SLC45A1: variants seen among roughly 807,000 people sequenced by gnomAD.
SLC45A1 encodes the protein solute carrier family 45 member 1, also known as proton-associated sugar transporter A.
Under a neutral mutation model 57.6 loss-of-function variants are expected in SLC45A1, and 28 were observed. The observed-to-expected ratio is 0.49, with a 90% CI of 0.36 to 0.67. The LOEUF (loss-of-function observed/expected upper bound fraction) is 0.67. Among genes scored for constraint, SLC45A1 ranks in the 30% least tolerant of loss-of-function variants. SLC45A1 has a pLI of 0.00. For missense variants in SLC45A1, 814 were observed against 1,041.5 expected (o/e 0.78, Z 3.01); for synonymous variants, 459 against 471.5 (o/e 0.97, Z 0.34).
intron 7 of SLC45A1, 145 bp from the exon 8 acceptor site, chr1:8,339,348 G>A (rs1224098169): frequency 2.8e-6 from 2 of 717,944 alleles, no homozygotes; most frequent in African/African-American, 3.5e-5. Flanking sequence ...TCCCCAGGAA[G>A]TACTTTCTGG....
chr1:8,343,010 T>C lies in SLC45A1; in HGVS notation c.1981-737T>C, dbSNP rs1030930994. Among the ~76,000 whole-genome samples the C allele has an allele frequency of 6.6e-6, 1 of 152,200 alleles. No homozygotes were observed. Among genetic ancestry groups the C allele is most frequent in the Non-Finnish European group, 1.5e-5 (1 of 68,046 alleles). On this transcript the variant is annotated intron_variant, in intron 8 of 8. Transcript: ENST00000471889. This position sits in a 1 kb window ranked among gnomAD's most constrained non-coding sequence, Gnocchi z 7.7. ...ATGCCTCAGTTGCCTCCCCCAGGCC[T>C]GGGCCTGATTTGTTTTAGGGAGTTT...
chr1:8,331,801 T>TG (rs1262375759), intron 5 of SLC45A1, among the ~76,000 whole-genome samples: 2 of 151,308 alleles, frequency 1.3e-5, no homozygotes, highest in South Asian at 4.2e-4. Flanking sequence ...CAACTCTTTT[T>TG]TTTTTTTTTG....
chr1:8,344,004 G>A lies in SLC45A1; in HGVS notation c.2238G>A (p.Leu746=), dbSNP rs779813624. 1 of 1,607,114 alleles carries A rather than the reference G, an allele frequency of 6.2e-7. No homozygotes were observed. The highest frequency in any genetic ancestry group is 1.7e-5 in the Admixed American group (1 of 59,786). The part of the protein sequence containing the change: ...AADEEHRPLL[L]NV ...ACGAGGAGCACCGGCCCCTCCTGCT[G>A]AACGTCTGACATCGCGGAGCCTCGA... The change falls in exon 9 of 9, where the codon CTG becomes CTA. Residue 746 remains leucine (L), a synonymous_variant. Transcript: ENST00000471889.
At chr1:8,339,831 A>G in intron 8 of SLC45A1, 133 bp downstream of exon 8, 1 of 852,490 alleles carries the variant, frequency 1.2e-6, no homozygotes, top group Non-Finnish European at 1.9e-6. Flanking sequence ...CAGAGCATGA[A>G]ACCAAGGGGG....
rs531615433 is a variant in SLC45A1 at position 8,324,907 on chromosome 1, G to A, written c.397+181G>A. 1.2e-4 allele frequency among the ~76,000 whole-genome samples: 18 copies of A among 152,248 alleles called. 1 individual carries two copies. The highest frequency in any genetic ancestry group is 3.3e-4 in the Admixed American group (5 of 15,284). On this transcript the variant is annotated intron_variant, in intron 2 of 8. Coordinates refer to ENST00000471889, the MANE Select transcript of SLC45A1 (RefSeq NM_001080397.3). ...TATCCCAGATTTTAAGTTCCTTATC[G>A]AAAGCAGACAATAGAACAGGGATTT...
At chr1:8,339,140 C>T (rs1201026334) in intron 7 of SLC45A1, among the ~76,000 whole-genome samples, 6 of 152,176 alleles carry the variant, frequency 3.9e-5, no homozygotes, top group Non-Finnish European at 7.4e-5. Flanking sequence ...TACACAAGAA[C>T]ACAGAGGTTT....
chr1:8,339,458 C>T (rs555830126), intron 7 of SLC45A1, 35 bp from the exon 8 acceptor site: 75 of 1,607,334 alleles, frequency 4.7e-5, no homozygotes, highest in Admixed American at 1.0e-4. Context: ...AGGCTCTGGC[C>T]GTGTGGCACT....
chr1:8,343,789 G>A lies in SLC45A1; in HGVS notation c.2023G>A (p.Val675Met), dbSNP rs1640908297. 3.7e-6 allele frequency: 6 copies of A among 1,614,088 alleles called. No homozygotes were observed. The highest frequency in any genetic ancestry group is 4.2e-6 in the Non-Finnish European group (5 of 1,179,988). Reference protein sequence around the residue: ...SADGTRRGMGVDISLLSCQYF... With the variant: ...SADGTRRGMGMDISLLSCQYF... ...GGACGGCACCCGGCGGGGCATGGGC[G>A]TGGACATCTCTCTGCTGAGCTGCCA... The change falls in exon 9 of 9, where the codon GTG becomes ATG. Residue 675 changes from valine to methionine, a missense_variant. By Grantham distance (21) the Val-to-Met change is conservative. Coordinates refer to ENST00000471889, the MANE Select transcript of SLC45A1 (RefSeq NM_001080397.3). The surrounding 1 kb of genome is among the most constrained non-coding windows in gnomAD (Gnocchi z 7.7).
rs550131704 is a variant in SLC45A1 at position 8,333,448 on chromosome 1, T to G, written c.1444-1989T>G. Reference sequence around the variant, plus strand: ...CACCATGCCCGGCCTTGTTTGGTTTTGTTTTGATACAGGGTCTCACTTTGT... The same window carrying G: ...CACCATGCCCGGCCTTGTTTGGTTTGGTTTTGATACAGGGTCTCACTTTGT... On this transcript the variant is annotated intron_variant, in intron 5 of 8. Transcript: ENST00000471889. 1.3e-4 allele frequency among the ~76,000 whole-genome samples: 20 copies of G among 152,076 alleles called. No individual in the cohort carries two copies. In the East Asian group the frequency reaches 3.9e-3, roughly 30 times the overall value.
chr1:8,334,183 T>G (rs1224335020), intron 5 of SLC45A1, among the ~76,000 whole-genome samples: 2 of 152,194 alleles, frequency 1.3e-5, no homozygotes, highest in Non-Finnish European at 1.5e-5. Context: ...CTCCTTAGAG[T>G]GTAGTTTATG....
chr1:8,321,679 G>C (rs984672659), intron 1 of SLC45A1, among the ~76,000 whole-genome samples: 2 of 152,110 alleles, frequency 1.3e-5, no homozygotes, highest in African/African-American at 4.8e-5. Flanking sequence ...TTGGAAGGGG[G>C]GATAGGTAGA....
chr1:8,332,938 C>G (rs145576583), intron 5 of SLC45A1, among the ~76,000 whole-genome samples: 2 of 152,314 alleles, frequency 1.3e-5, no homozygotes, highest in East Asian at 3.9e-4. Flanking sequence ...TGTTTCCGGT[C>G]CTACAAAGCC....
At chr1:8,322,961 C>T (rs1449801746) in intron 1 of SLC45A1, among the ~76,000 whole-genome samples, 2 of 152,046 alleles carry the variant, frequency 1.3e-5, no homozygotes, top group East Asian at 1.9e-4. Flanking sequence ...AAGTGGACAT[C>T]GGCTAAAACA....
chr1:8,339,809 A>AG lies in SLC45A1; in HGVS notation c.1980+112dup, dbSNP rs1640753706. The AG allele has an allele frequency of 2.9e-6, 3 of 1,049,060 alleles. No individual in the cohort carries two copies. The Admixed American group carries it at 5.4e-5, about 19-fold the overall frequency. The allele number at this position is 1,049,060 out of a possible 1,614,324, so 65.0% of individuals were successfully genotyped here. A position where few individuals can be genotyped will look rare whatever the true frequency, so the allele number is the denominator to read the frequency against. The stretch of plus-strand genomic sequence containing the variant: ...CTGCAGAGCCCGGTGCAAAATGTCA[A>AG]GACAGCGACCACAGAGCATGAAACC... On this transcript the variant is annotated intron_variant, in intron 8 of 8. Transcript: ENST00000471889.
chr1:8,344,087 G>A lies in SLC45A1; in HGVS notation c.*74G>A, dbSNP rs566261254. On this transcript the variant is annotated 3_prime_UTR_variant, in exon 9 of 9. Transcript: ENST00000471889. The stretch of plus-strand genomic sequence containing the variant: ...AGCAGGCCGACCAGTGAGGACCAAA[G>A]GGCCTTGTTGGACAGGGGGACTGGC... The A allele has an allele frequency of 5.7e-6, 8 of 1,412,956 alleles. No homozygotes were observed. Among genetic ancestry groups the A allele is most frequent in the South Asian group, 2.7e-5 (2 of 73,792 alleles). 87.5% of individuals were successfully genotyped at this position (1,412,956 alleles called of 1,614,324 possible). A position where few individuals can be genotyped will look rare whatever the true frequency, so the allele number is the denominator to read the frequency against.
At position 8,344,150 on chromosome 1, in the gene SLC45A1, T is replaced by C; in HGVS notation, c.*137T>C. 1 of 823,460 alleles carries C rather than the reference T, an allele frequency of 1.2e-6. No homozygotes were observed. Among genetic ancestry groups the C allele is most frequent in the Non-Finnish European group, 1.8e-6 (1 of 558,640 alleles). 51.0% of individuals were successfully genotyped at this position (823,460 alleles called of 1,614,324 possible). Reference sequence around the variant, plus strand: ...TGTAAATATGTGATAAAATAATAAATGACAGCGGCAAAGCCTATGGTTTCT... The same window carrying C: ...TGTAAATATGTGATAAAATAATAAACGACAGCGGCAAAGCCTATGGTTTCT... On this transcript the variant is annotated 3_prime_UTR_variant, in exon 9 of 9. Transcript: ENST00000471889.
intron 8 of SLC45A1, among the ~76,000 whole-genome samples, chr1:8,341,818 G>A (rs575008878): frequency 5.4e-4 from 82 of 152,056 alleles, no homozygotes; most frequent in African/African-American, 1.9e-3. Context: ...TACTTGGGAG[G>A]CTGAAGCAGG....
intron 4 of SLC45A1, among the ~76,000 whole-genome samples, chr1:8,329,982 C>T (rs947867600): frequency 6.6e-6 from 1 of 152,122 alleles, no homozygotes; most frequent in African/African-American, 2.4e-5. Flanking sequence ...CCGGGGGTCA[C>T]ACCAGGAAGG....
In SLC45A1 at chr1:8,326,837, G is replaced by A. The variant is rs1391228976; in HGVS notation, c.715+795G>A. On this transcript the variant is annotated intron_variant, in intron 4 of 8. Coordinates refer to ENST00000471889, the MANE Select transcript of SLC45A1 (RefSeq NM_001080397.3). The surrounding 1 kb of genome is among the most constrained non-coding windows in gnomAD (Gnocchi z 5.5). ...CTACTAAAAATACAAAAAATTAGCTGGGCGTGGTGGCACATGCCTGTAATC... is the reference window on the plus strand; with the variant it reads ...CTACTAAAAATACAAAAAATTAGCTAGGCGTGGTGGCACATGCCTGTAATC... 6.6e-6 allele frequency among the ~76,000 whole-genome samples: 1 copy of A among 152,168 alleles called. No individual in the cohort carries two copies. Among genetic ancestry groups the A allele is most frequent in the Non-Finnish European group, 1.5e-5 (1 of 68,014 alleles).
Sources: allele counts gnomAD v4.1 joint callset (sites outside exome capture counted in the v4.1 genomes callset), GRCh38; gene constraint gnomAD v4.1.1; non-coding constraint Gnocchi (gnomAD v3.1); transcripts MANE v1.5; gene names NCBI Gene and HGNC (gene_info 2026-07-23, HGNC 2026-07-21).